Variants in NPAS3 observed in about 807,000 individuals in gnomAD.
NPAS3 encodes the protein neuronal PAS domain-containing protein 3.
Under a neutral mutation model 73.1 loss-of-function variants are expected in NPAS3, and 14 were observed. That is an observed-to-expected ratio of 0.19 (90% confidence interval 0.13 to 0.30). The LOEUF is 0.30. Ranked by LOEUF, NPAS3 falls within the 10% of genes least tolerant of loss-of-function variation. The pLI is 1.00. For synonymous variants in NPAS3, 620 were observed against 541.5 expected (o/e 1.14, Z -2.01); for missense variants, 1,096 against 1,250.0 (o/e 0.88, Z 1.86).
Position 33,124,079 on chromosome 14 carries a change from C to A in NPAS3, c.140+68085C>A, listed in dbSNP as rs957254956. Among the ~76,000 whole-genome samples the A allele has an allele frequency of 2.6e-5, 4 of 151,952 alleles. No homozygotes were observed. The East Asian group carries it at 7.8e-4, about 30-fold the overall frequency. On this transcript the variant is annotated intron_variant, in intron 2 of 11. Coordinates refer to ENST00000356141, the Ensembl canonical transcript of NPAS3. Reference sequence around the variant, plus strand: ...ATGTTGCCCTGGCTGGTCTTGAATTCCTGGGCTCAAGAGATCCATCTGCCT... The same window carrying A: ...ATGTTGCCCTGGCTGGTCTTGAATTACTGGGCTCAAGAGATCCATCTGCCT...
At chr14:33,062,252 A>G (rs143136740) in intron 2 of NPAS3, among the ~76,000 whole-genome samples, 170 of 152,226 alleles carry the variant, frequency 1.1e-3, no homozygotes, top group African/African-American at 3.8e-3. Flanking sequence ...CTTGCTTTGC[A>G]AGAAGGAATG....
chr14:33,290,989 C>A (rs2042076614), intron 3 of NPAS3, among the ~76,000 whole-genome samples: 1 of 151,810 alleles, frequency 6.6e-6, no homozygotes, highest in Non-Finnish European at 1.5e-5. Flanking sequence ...TTTTATGAAT[C>A]AGATGGCAAG....
chr14:33,632,553 C>T (rs1455869295), intron 5 of NPAS3, among the ~76,000 whole-genome samples: 2 of 152,168 alleles, frequency 1.3e-5, no homozygotes, highest in Non-Finnish European at 2.9e-5. Flanking sequence ...ATCCCACCCC[C>T]GGAGCTGGAG....
Position 33,221,082 on chromosome 14 carries a change from C to T in NPAS3, c.385+5656C>T, listed in dbSNP as rs529045307. 9.8e-5 allele frequency among the ~76,000 whole-genome samples: 15 copies of T among 152,318 alleles called. No homozygotes were observed. In the South Asian group the frequency reaches 3.1e-3, roughly 32 times the overall value. ...CAGCGGGTGCCTCTGCTTTGTGCTA[C>T]AGCTCTGGCTGGGCTTGGCTCCTTG... On this transcript the variant is annotated intron_variant, in intron 3 of 11. Coordinates refer to ENST00000356141, the Ensembl canonical transcript of NPAS3.
chr14:33,446,975 A>G (rs2049537647), intron 4 of NPAS3, among the ~76,000 whole-genome samples: 1 of 152,254 alleles, frequency 6.6e-6, no homozygotes, highest in Non-Finnish European at 1.5e-5. Flanking sequence ...TGCATCTTAC[A>G]AATATTTACC....
At chr14:33,475,704 C>G (rs2050997017) in intron 4 of NPAS3, among the ~76,000 whole-genome samples, 1 of 152,054 alleles carries the variant, frequency 6.6e-6, no homozygotes, top group Admixed American at 6.6e-5. Flanking sequence ...ATTTCTAGTT[C>G]TGGTTTGGAG....
intron 4 of NPAS3, among the ~76,000 whole-genome samples, chr14:33,477,224 A>G (rs1224429155): frequency 6.6e-6 from 1 of 152,144 alleles, no homozygotes; most frequent in African/African-American, 2.4e-5. Context: ...AGGGGTGGAA[A>G]GAGAGGATGC....
chr14:33,056,607 G>A (rs1221403194), intron 2 of NPAS3, among the ~76,000 whole-genome samples: 3 of 152,160 alleles, frequency 2.0e-5, no homozygotes, highest in African/African-American at 4.8e-5. Context: ...TTTGGGTAAC[G>A]AGGTGTTGTT....
At chr14:33,246,423 C>T (rs368243654) in intron 3 of NPAS3, among the ~76,000 whole-genome samples, 2,580 of 151,272 alleles carry the variant, frequency 0.017, 82 homozygotes, top group East Asian at 0.13. Flanking sequence ...CGTGTAGTCC[C>T]AGCTACTTGG....
At position 33,178,077 on chromosome 14, in the gene NPAS3, TTG is replaced by T. The variant is rs1376689427; in HGVS notation, c.141-37103_141-37102del. Among the ~76,000 whole-genome samples the T allele has an allele frequency of 9.7e-4, 127 of 130,474 alleles. 21 individuals carry two copies. The highest frequency in any genetic ancestry group is 2.0e-3 in the South Asian group (7 of 3,416). The allele number at this position is 130,474 out of a possible 152,430, so 85.6% of individuals were successfully genotyped here. A position where few individuals can be genotyped will look rare whatever the true frequency, so the allele number is the denominator to read the frequency against. On this transcript the variant is annotated intron_variant, in intron 2 of 11. Coordinates refer to ENST00000356141, the Ensembl canonical transcript of NPAS3. ...TGATAGGCATTGAAGTGAATTTTTT[TTG>T]TTTTTTTTTTTTTGGAGACAGAGTC...
At chr14:33,518,874 A>G (rs941859562) in intron 4 of NPAS3, among the ~76,000 whole-genome samples, 1 of 152,124 alleles carries the variant, frequency 6.6e-6, no homozygotes, top group Non-Finnish European at 1.5e-5. Context: ...TAGGAGCTAT[A>G]TTGTGGTCTT....
intron 1 of NPAS3, among the ~76,000 whole-genome samples, chr14:32,965,360 G>GTGA (rs1408201472): frequency 1.3e-5 from 2 of 152,162 alleles, no homozygotes; most frequent in African/African-American, 4.8e-5. Context: ...TTCATTCGTA[G>GTGA]TGATCAAGTG....
intron 4 of NPAS3, among the ~76,000 whole-genome samples, chr14:33,422,712 A>T (rs981053429): frequency 6.6e-6 from 1 of 151,966 alleles, no homozygotes; most frequent in African/African-American, 2.4e-5. Flanking sequence ...TTAACTTCTT[A>T]AGAACATAAT....
At chr14:33,406,377 G>C (rs898082975) in intron 4 of NPAS3, among the ~76,000 whole-genome samples, 10 of 152,088 alleles carry the variant, frequency 6.6e-5, no homozygotes, top group African/African-American at 2.4e-4. Context: ...GTTATCAAAA[G>C]CAAAAGAAGA....
At chr14:33,329,631 T>G (rs2043886518) in intron 3 of NPAS3, among the ~76,000 whole-genome samples, 1 of 151,890 alleles carries the variant, frequency 6.6e-6, no homozygotes, top group Non-Finnish European at 1.5e-5. Context: ...AGGAGGTTGG[T>G]GGGGTAGGCA....
At chr14:33,226,956 G>A (rs1447012786) in intron 3 of NPAS3, among the ~76,000 whole-genome samples, 3 of 152,084 alleles carry the variant, frequency 2.0e-5, no homozygotes, top group Non-Finnish European at 4.4e-5. Flanking sequence ...AAAAATAGAT[G>A]AATACTATCC....
Position 33,789,583 on chromosome 14 carries a change from C to CTTTTTTTTTTTTTTTTTTTTTTTT in NPAS3, c.1154-4291_1154-4290insTTTTTTTTTTTTTTTTTTTTTTTT, listed in dbSNP as rs10567527. 2.3e-4 allele frequency among the ~76,000 whole-genome samples: 21 copies of CTTTTTTTTTTTTTTTTTTTTTTTT among 92,410 alleles called. 4 individuals carry two copies. Among genetic ancestry groups the CTTTTTTTTTTTTTTTTTTTTTTTT allele is most frequent in the African/African-American group, 5.6e-4 (13 of 23,082 alleles). 60.6% of individuals were successfully genotyped at this position (92,410 alleles called of 152,430 possible). On this transcript the variant is annotated intron_variant, in intron 9 of 11. Transcript: ENST00000356141. ...ACTAAAAGTAATTACTAGAGTACAA[C>CTTTTTTTTTTTTTTTTTTTTTTTT]TTTTTTTTTTTTTTTTTTTTTTTGA...
chr14:33,579,776 T>C (rs1389141081), intron 5 of NPAS3, among the ~76,000 whole-genome samples: 4 of 151,960 alleles, frequency 2.6e-5, no homozygotes, highest in African/African-American at 9.7e-5. Context: ...ATATTTTCCT[T>C]GAATTTTTTT....
chr14:32,994,177 GA>G (rs1487834643), intron 1 of NPAS3, among the ~76,000 whole-genome samples: 4 of 152,162 alleles, frequency 2.6e-5, no homozygotes, highest in African/African-American at 9.7e-5. Context: ...TACTTTGTTT[GA>G]AATACTATAT....
Sources: gnomAD v4.1 joint callset for allele counts (sites outside exome capture counted in the v4.1 genomes callset) on GRCh38, gnomAD v4.1.1 for gene constraint, MANE v1.5 for transcripts, NCBI Gene and HGNC (gene_info 2026-07-23, HGNC 2026-07-21) for gene names.